Variants in MGAT5 observed in about 807,000 individuals in gnomAD.
MGAT5 encodes alpha-1,6-mannosylglycoprotein 6-beta-N-acetylglucosaminyltransferase.
A neutral mutation model predicts 94.3 loss-of-function variants in MGAT5; 30 were observed. The ratio of observed to expected loss-of-function variants is 0.32; its 90% CI spans 0.24 to 0.43. The LOEUF is 0.43. MGAT5 is among the 20% of genes least tolerant of loss of function. The pLI, the probability that MGAT5 is intolerant of heterozygous loss-of-function variation, is 1.00. For synonymous variants in MGAT5, 310 were observed against 322.9 expected, an observed-to-expected ratio of 0.96 and a Z score of 0.43; for missense variants, 691 against 905.5, an observed-to-expected ratio of 0.76 and a Z score of 3.04.
At chr2:134,382,408 A>T (rs12473479) in intron 10 of MGAT5, among the ~76,000 whole-genome samples, 4,592 of 152,272 alleles carry the variant, frequency 0.03, 259 homozygotes, top group East Asian at 0.17. Context: ...AAATAGGAAG[A>T]CTGAGGTTGC....
intron 10 of MGAT5, among the ~76,000 whole-genome samples, chr2:134,385,501 C>G (rs1681916319): frequency 6.6e-6 from 1 of 152,170 alleles, no homozygotes; most frequent in South Asian, 2.1e-4. Context: ...CTTAATCCTT[C>G]TTGTGCCATC....
intron 2 of MGAT5, among the ~76,000 whole-genome samples, chr2:134,285,027 G>C (rs1315303649): frequency 2.0e-5 from 3 of 152,078 alleles, no homozygotes; most frequent in Non-Finnish European, 4.4e-5. Context: ...TTGTTATTGT[G>C]TATTGATTGC....
intron 14 of MGAT5, among the ~76,000 whole-genome samples, chr2:134,437,583 A>G (rs1275151592): frequency 6.6e-6 from 1 of 152,202 alleles, no homozygotes; most frequent in Non-Finnish European, 1.5e-5. Flanking sequence ...CTTCTGATGT[A>G]AATGATGTGA....
chr2:134,195,892 G>C (rs1178178717), intron 1 of MGAT5, among the ~76,000 whole-genome samples: 2 of 152,162 alleles, frequency 1.3e-5, no homozygotes, highest in Non-Finnish European at 2.9e-5. Flanking sequence ...AGACCAGAGG[G>C]GTCTAGGCTT....
intron 9 of MGAT5, among the ~76,000 whole-genome samples, 190 bp downstream of exon 9, chr2:134,350,128 A>G (rs1679287169): frequency 6.6e-6 from 1 of 152,202 alleles, no homozygotes; most frequent in Non-Finnish European, 1.5e-5. Flanking sequence ...TCGAAAGGCC[A>G]CATGAATATT....
intron 2 of MGAT5, among the ~76,000 whole-genome samples, chr2:134,300,602 C>T (rs62167999): frequency 0.2 from 30,392 of 152,072 alleles, 3,443 homozygotes; most frequent in Middle Eastern, 0.38. Flanking sequence ...TCCAAGATTA[C>T]AATTTCCAAG....
rs572852138 is a variant in MGAT5, at chr2:134,217,237, T to C, written c.-142-37025T>C. 5.2e-3 allele frequency among the ~76,000 whole-genome samples: 322 copies of C among 61,710 alleles called. 1 individual carries two copies. Among genetic ancestry groups the C allele is most frequent in the African/African-American group, 0.023 (306 of 13,368 alleles). The allele number at this position is 61,710 out of a possible 152,430, so 40.5% of individuals were successfully genotyped here. ...TGAGTGGGGTCTGAGGGAGAGAGAG[T>C]GGTGTGTGTGTGTGTGTGTGTGTGT... On this transcript the variant is annotated intron_variant, in intron 1 of 16. Coordinates refer to the MGAT5 transcript ENST00000409645.
chr2:134,431,797 C>G (rs914647052), intron 14 of MGAT5, among the ~76,000 whole-genome samples: 1 of 150,914 alleles, frequency 6.6e-6, no homozygotes, highest in South Asian at 2.1e-4. Flanking sequence ...ACGGAGCCAA[C>G]AGACAGCAAT....
chr2:134,148,055 G>A (rs1161250597), intron 1 of MGAT5, among the ~76,000 whole-genome samples: 1 of 152,190 alleles, frequency 6.6e-6, no homozygotes, highest in Admixed American at 6.5e-5. Flanking sequence ...TAATGAAGAA[G>A]CACTCATACC....
intron 1 of MGAT5, among the ~76,000 whole-genome samples, chr2:134,175,215 T>A (rs1688402873): frequency 6.6e-6 from 1 of 152,220 alleles, no homozygotes; most frequent in African/African-American, 2.4e-5. Flanking sequence ...CCCTAGAAAA[T>A]GTCTAAATAT....
intron 11 of MGAT5, among the ~76,000 whole-genome samples, chr2:134,412,084 C>T (rs1454071364): frequency 6.6e-6 from 1 of 152,160 alleles, no homozygotes; most frequent in Non-Finnish European, 1.5e-5. Flanking sequence ...TTTTTGGACC[C>T]AGGAAATCAG....
At chr2:134,168,197 G>A (rs1445009761) in intron 1 of MGAT5, among the ~76,000 whole-genome samples, 1 of 152,204 alleles carries the variant, frequency 6.6e-6, no homozygotes, top group African/African-American at 2.4e-5. Context: ...CACACAGACT[G>A]TGTCTCCCTT....
At chr2:134,350,579 T>G in intron 9 of MGAT5, among the ~76,000 whole-genome samples, 1 of 152,158 alleles carries the variant, frequency 6.6e-6, no homozygotes, top group East Asian at 1.9e-4. Flanking sequence ...GATGCTAGGC[T>G]CTTAGACATT....
chr2:134,235,861 T>A (rs2105418057), intron 1 of MGAT5, among the ~76,000 whole-genome samples: 1 of 152,118 alleles, frequency 6.6e-6, no homozygotes, highest in Admixed American at 6.5e-5. Flanking sequence ...CACAGTCAAA[T>A]TAGCTTTGGT....
At chr2:134,233,998 G>A (rs1377453158) in intron 1 of MGAT5, among the ~76,000 whole-genome samples, 1 of 152,164 alleles carries the variant, frequency 6.6e-6, no homozygotes. Context: ...TGCCTTCTGA[G>A]GTGTATCTCT....
chr2:134,361,196 C>T (rs1394556384), intron 9 of MGAT5, among the ~76,000 whole-genome samples: 2 of 152,206 alleles, frequency 1.3e-5, no homozygotes, highest in Non-Finnish European at 2.9e-5. Flanking sequence ...CCAGCTTCCT[C>T]TGTTTGTTGA....
In MGAT5 at chr2:134,364,075, C is replaced by T. The variant is rs74475265; in HGVS notation, c.1380+1667C>T. On this transcript the variant is annotated intron_variant, in intron 10 of 15. Coordinates refer to ENST00000281923, the MANE Select transcript of MGAT5 (RefSeq NM_002410.5). The stretch of plus-strand genomic sequence containing the variant: ...TTGTTTTGGGGCCAAGTGCAACCAC[C>T]TCCTAGCACTCTCTGGCAACTTTTT... 7.8e-3 allele frequency among the ~76,000 whole-genome samples: 1,193 copies of T among 152,290 alleles called. 16 individuals carry two copies. Among genetic ancestry groups the T allele is most frequent in the African/African-American group, 0.027 (1,109 of 41,548 alleles).
At chr2:134,191,098 T>C (rs1397849922) in intron 1 of MGAT5, among the ~76,000 whole-genome samples, 1 of 152,218 alleles carries the variant, frequency 6.6e-6, no homozygotes, top group East Asian at 1.9e-4. Flanking sequence ...CCTGGCACCG[T>C]CTGTTCTTTT....
In MGAT5 at chr2:134,371,518, G is replaced by A. The variant is rs1039966410; in HGVS notation, c.1380+9110G>A. On this transcript the variant is annotated intron_variant, in intron 10 of 15. Coordinates refer to ENST00000281923, the MANE Select transcript of MGAT5 (RefSeq NM_002410.5). ...GAGCCCAGCCCACTGACACTTTACA[G>A]TTGACAGCCCAGCCCAGATATGGGC... Among the ~76,000 whole-genome samples, 7 of 152,286 alleles carry A rather than the reference G, an allele frequency of 4.6e-5. 1 individual carries two copies. In the South Asian group the frequency reaches 1.5e-3, roughly 32 times the overall value.
Sources: allele counts gnomAD v4.1 joint callset (sites outside exome capture counted in the v4.1 genomes callset), GRCh38; gene constraint gnomAD v4.1.1; transcripts MANE v1.5; gene names NCBI Gene and HGNC (gene_info 2026-07-23, HGNC 2026-07-21).